CDK2AP2: variants seen among roughly 807,000 people sequenced by gnomAD.
The protein encoded by CDK2AP2 is cyclin-dependent kinase 2-associated protein 2.
Under a neutral mutation model 13.0 loss-of-function variants are expected in CDK2AP2, and 1 was observed. That is an observed-to-expected ratio of 0.08 (90% confidence interval 0.03 to 0.37). The LOEUF is 0.37. Ranked by LOEUF, CDK2AP2 falls within the 10% of genes least tolerant of loss-of-function variation. CDK2AP2 has a pLI of 0.99. For missense variants in CDK2AP2, 129 were observed against 175.8 expected (o/e 0.73, Z 1.50); for synonymous variants, 76 against 73.0 (o/e 1.04, Z -0.21).
In CDK2AP2 at chr11:67,507,595, C is replaced by T. The variant is rs1208789641; in HGVS notation, c.177G>A (p.Val59=). Residue 59 remains valine (V), a synonymous_variant, in exon 2 of 4, where the codon GTG becomes GTA. Transcript: ENST00000301488. ...GCAAGGCTTTGGCCCCACTCACCTG[C>T]ACGTAGCCCATGGAAGGCGGTCCAA... is the stretch of plus-strand genomic sequence containing the variant. ...NDFGPPSMGY[V]QAMKPPGAQG... The T allele has an allele frequency of 6.2e-7, 1 of 1,613,618 alleles. No homozygotes were observed. Among genetic ancestry groups the T allele is most frequent in the South Asian group, 1.1e-5 (1 of 91,084 alleles).
rs772297991 is a variant in CDK2AP2, at chr11:67,507,355, C to T, written c.313+10G>A. On this transcript the variant is annotated intron_variant, in intron 3 of 3. Transcript: ENST00000301488. ...CGGTTTCCTGAGCAGGGCGGCCTGG[C>T]CTCACTTACCTCTCTTCAGGCGCTC... is the stretch of plus-strand genomic sequence containing the variant. 21 of 1,612,110 alleles carry T rather than the reference C, an allele frequency of 1.3e-5. No individual in the cohort carries two copies. Among genetic ancestry groups the T allele is most frequent in the Non-Finnish European group, 1.7e-5 (20 of 1,180,004 alleles).
Position 67,508,052 on chromosome 11 carries a change from T to G in CDK2AP2, c.31A>C (p.Ser11Arg). The G allele has an allele frequency of 6.6e-7, 1 of 1,524,006 alleles. No homozygotes were observed. The highest frequency in any genetic ancestry group is 8.8e-7 in the Non-Finnish European group (1 of 1,138,754). 94.4% of individuals were successfully genotyped at this position (1,524,006 alleles called of 1,614,324 possible). A position where few individuals can be genotyped will look rare whatever the true frequency, so the allele number is the denominator to read the frequency against. The part of the protein sequence containing the change: MSYKPIAPAP[S>R]STPGSSTPGP... ...GGGGTGCTGGAGCCAGGGGTGCTGC[T>G]GGGAGCAGGGGCGATGGGTTTGTAG... Residue 11 changes from serine (S) to arginine (R), a missense_variant, in exon 1 of 4, where the codon AGC (serine) becomes CGC (arginine). Ser to Arg is a moderately radical substitution (Grantham distance 110). Around this residue, in one of 2 missense-constraint regions of CDK2AP2, gnomAD observed 98 missense variants for 99.7 expected, o/e 0.98. Coordinates refer to ENST00000301488, the MANE Select transcript of CDK2AP2 (RefSeq NM_005851.5).
intron 3 of CDK2AP2, 34 bp from the exon 4 acceptor site, chr11:67,507,046 C>T: frequency 1.4e-6 from 2 of 1,460,604 alleles, no homozygotes; most frequent in Non-Finnish European, 1.9e-6. Context: ...CAACCCTCCA[C>T]AGCCCCACCC....
In CDK2AP2 at chr11:67,507,024, G is replaced by A. The variant is rs1489707989; in HGVS notation, c.314-12C>T. On this transcript the variant is annotated splice_polypyrimidine_tract_variant and intron_variant, in intron 3 of 3. Coordinates refer to ENST00000301488, the MANE Select transcript of CDK2AP2 (RefSeq NM_005851.5). ...GGCATGGATGATACCTGGGGGTGGG[G>A]TGGGGTCTCAGCAACCCTCCACAGC... 2 of 1,542,020 alleles carry A rather than the reference G, an allele frequency of 1.3e-6. No individual in the cohort carries two copies. Among genetic ancestry groups the A allele is most frequent in the African/African-American group, 1.4e-5 (1 of 73,092 alleles).
chr11:67,508,134 C>G lies in CDK2AP2; in HGVS notation c.-52G>C. 1 of 1,436,418 alleles carries G rather than the reference C, an allele frequency of 7.0e-7. No homozygotes were observed. Among genetic ancestry groups the G allele is most frequent in the Non-Finnish European group, 9.1e-7 (1 of 1,098,330 alleles). 89.0% of individuals were successfully genotyped at this position (1,436,418 alleles called of 1,614,324 possible). A position where few individuals can be genotyped will look rare whatever the true frequency, so the allele number is the denominator to read the frequency against. On this transcript the variant is annotated 5_prime_UTR_variant, in exon 1 of 4. Transcript: ENST00000301488. ...CAGCCGGCCGCTCCTCGGGGGTTGG[C>G]TGCGGGGCCGCTCAGCCGCGCTCTG...
chr11:67,507,069 A>T, intron 3 of CDK2AP2, 57 bp from the exon 4 acceptor site: 2 of 1,270,836 alleles, frequency 1.6e-6, no homozygotes, highest in Non-Finnish European at 2.2e-6. Context: ...TGCCCTCCAG[A>T]GGAGGACCCC....
At position 67,508,033 on chromosome 11, in the gene CDK2AP2, C is replaced by T; in HGVS notation, c.50G>A (p.Ser17Asn). ...GACCGGGGTGCCCGGCCCAGGGGTG[C>T]TGGAGCCAGGGGTGCTGCTGGGAGC... ...APAPSSTPGS[S>N]TPGPGTPVPT... Residue 17 changes from serine (S) to asparagine (N), a missense_variant, in exon 1 of 4, where the codon AGC becomes AAC. Ser to Asn is a conservative substitution (Grantham distance 46). Coordinates refer to ENST00000301488, the MANE Select transcript of CDK2AP2 (RefSeq NM_005851.5). 6.5e-7 allele frequency: 1 copy of T among 1,533,990 alleles called. No homozygotes were observed. Among genetic ancestry groups the T allele is most frequent in the Non-Finnish European group, 8.8e-7 (1 of 1,142,090 alleles).
rs1237254680 is a variant in CDK2AP2, at chr11:67,506,628, GAGA to G, written c.*314_*316del. The G allele has an allele frequency of 1.4e-5, 6 of 443,176 alleles. No individual in the cohort carries two copies. Among genetic ancestry groups the G allele is most frequent in the East Asian group, 1.2e-4 (3 of 24,024 alleles). 27.5% of individuals were successfully genotyped at this position (443,176 alleles called of 1,614,324 possible). A position where few individuals can be genotyped will look rare whatever the true frequency, so the allele number is the denominator to read the frequency against. On this transcript the variant is annotated 3_prime_UTR_variant, in exon 4 of 4. Coordinates refer to ENST00000301488, the MANE Select transcript of CDK2AP2 (RefSeq NM_005851.5). ...TGCCAGGCCTGTGCCCCTGCTGGGG[GAGA>G]AGGAGGCTCGGGACAAAGTGGGAGA...
In CDK2AP2 at chr11:67,506,996, C is replaced by T. The variant is rs1299524112; in HGVS notation, c.330G>A (p.Arg110=). ...ERLKRGIIHA[R]ALVRECLAET... ...CTGCCAGGCACTCTCTGACTAGGGC[C>T]CGGGCATGGATGATACCTGGGGGTG... is the stretch of plus-strand genomic sequence containing the variant. The change falls in exon 4 of 4, where the codon CGG becomes CGA. Residue 110 remains arginine, a synonymous_variant. Coordinates refer to ENST00000301488, the MANE Select transcript of CDK2AP2 (RefSeq NM_005851.5). 1.3e-6 allele frequency: 2 copies of T among 1,555,664 alleles called. No individual in the cohort carries two copies. The highest frequency in any genetic ancestry group is 1.7e-6 in the Non-Finnish European group (2 of 1,149,544).
At chr11:67,507,548 G>A in intron 2 of CDK2AP2, 44 bp downstream of exon 2, 1 of 1,613,622 alleles carries the variant, frequency 6.2e-7, no homozygotes, top group Non-Finnish European at 8.5e-7. Context: ...GCGGGGAGGG[G>A]GACTCCAGTC....
At chr11:67,507,967 C>G (rs1190305585) in intron 1 of CDK2AP2, 34 bp downstream of exon 1, 4 of 1,549,660 alleles carry the variant, frequency 2.6e-6, no homozygotes, top group Non-Finnish European at 3.5e-6. Flanking sequence ...CTCGACCGCC[C>G]GGCAGGCGAG....
intron 1 of CDK2AP2, 76 bp from the exon 2 acceptor site, chr11:67,507,765 G>C (rs1325975787): frequency 6.4e-7 from 1 of 1,573,270 alleles, no homozygotes; most frequent in African/African-American, 1.4e-5. Context: ...GCCCAGGACC[G>C]GGTTCGCCCG....
At chr11:67,507,293 G>A (rs1866554618) in intron 3 of CDK2AP2, 72 bp downstream of exon 3, 14 of 1,584,500 alleles carry the variant, frequency 8.8e-6, no homozygotes, top group Non-Finnish European at 1.1e-5. Flanking sequence ...GTGGCCTCCA[G>A]ATGTCCTTCC....
chr11:67,508,114 G>A lies in CDK2AP2; in HGVS notation c.-32C>T, dbSNP rs528466504. On this transcript the variant is annotated 5_prime_UTR_variant, in exon 1 of 4. Transcript: ENST00000301488. ...CTCCTGGGCGCGGCGGACGCCAGCC[G>A]GCCGCTCCTCGGGGGTTGGCTGCGG... 14 of 1,449,548 alleles carry A rather than the reference G, an allele frequency of 9.7e-6. No homozygotes were observed. The Admixed American group carries it at 2.8e-4, about 29-fold the overall frequency. The allele number at this position is 1,449,548 out of a possible 1,614,324, so 89.8% of individuals were successfully genotyped here. A position where few individuals can be genotyped will look rare whatever the true frequency, so the allele number is the denominator to read the frequency against.
At chr11:67,507,527 T>G in intron 2 of CDK2AP2, 30 bp from the exon 3 acceptor site, 2 of 1,613,728 alleles carry the variant, frequency 1.2e-6, no homozygotes, top group Non-Finnish European at 1.7e-6. Context: ...GGCAGTGAGC[T>G]CAGGCACCTG....
At position 67,507,982 on chromosome 11, in the gene CDK2AP2, G is replaced by C. The variant is rs981659477; in HGVS notation, c.82+19C>G. ...CTCGACCGCCCGGCAGGCGAGCAGG[G>C]GTGGAGCTGGATCCTCACCTGTAGG... On this transcript the variant is annotated intron_variant, in intron 1 of 3. Transcript: ENST00000301488. The C allele has an allele frequency of 4.1e-5, 63 of 1,549,384 alleles. No individual in the cohort carries two copies. The highest frequency in any genetic ancestry group is 5.1e-5 in the Non-Finnish European group (59 of 1,146,700).
Position 67,508,042 on chromosome 11 carries a change from G to A in CDK2AP2, c.41C>T (p.Pro14Leu). ...KPIAPAPSST[P>L]GSSTPGPGTP... ...GCCCGGCCCAGGGGTGCTGGAGCCAGGGGTGCTGCTGGGAGCAGGGGCGAT... is the reference window on the plus strand; with the variant it reads ...GCCCGGCCCAGGGGTGCTGGAGCCAAGGGTGCTGCTGGGAGCAGGGGCGAT... The change falls in exon 1 of 4, where the codon CCT (proline) becomes CTT (leucine). Residue 14 changes from proline (P) to leucine (L), a missense_variant. Pro to Leu is a moderately conservative substitution (Grantham distance 98). Coordinates refer to ENST00000301488, the MANE Select transcript of CDK2AP2 (RefSeq NM_005851.5). 1 of 1,528,648 alleles carries A rather than the reference G, an allele frequency of 6.5e-7. No individual in the cohort carries two copies. Among genetic ancestry groups the A allele is most frequent in the Non-Finnish European group, 8.8e-7 (1 of 1,140,452 alleles). The allele number at this position is 1,528,648 out of a possible 1,614,324, so 94.7% of individuals were successfully genotyped here.
intron 3 of CDK2AP2, 125 bp downstream of exon 3, chr11:67,507,240 C>T (rs1866552519): frequency 8.8e-7 from 1 of 1,130,168 alleles, no homozygotes; most frequent in African/African-American, 1.5e-5. Context: ...ATTCAAAACA[C>T]CTCTCTGGTA....
chr11:67,507,343 A>G, intron 3 of CDK2AP2, 22 bp downstream of exon 3: 1 of 1,611,880 alleles, frequency 6.2e-7, no homozygotes. Flanking sequence ...TTTCCTGAGC[A>G]GGGCGGCCTG....
Sources: gnomAD v4.1 joint callset for allele counts on GRCh38, gnomAD v4.1.1 for gene constraint, gnomAD v4.1.1 regional missense constraint, MANE v1.5 for transcripts, NCBI Gene and HGNC (gene_info 2026-07-23, HGNC 2026-07-21) for gene names.